BCAS3: variants seen among roughly 807,000 people sequenced by gnomAD.
BCAS3 encodes the protein BCAS4/BCAS3 fusion.
BCAS3 carries 53 observed loss-of-function variants against 116.1 expected under a neutral mutation model. The observed-to-expected ratio is 0.46, with a 90% confidence interval of 0.37 to 0.57. The LOEUF (loss-of-function observed/expected upper bound fraction) is 0.57, where lower values mean the gene tolerates loss of function less well. BCAS3 is among the 20% of genes least tolerant of loss of function. The probability of loss-of-function intolerance (pLI) is 0.00; values close to 1 mark genes in which losing one functional copy is unlikely to be tolerated. For missense variants in BCAS3, 917 were observed against 1,165.4 expected, an observed-to-expected ratio of 0.79 and a Z score of 3.10; for synonymous variants, 391 against 408.2, an observed-to-expected ratio of 0.96 and a Z score of 0.51.
chr17:60,808,193 A>T, intron 7 of BCAS3, 117 bp downstream of exon 7: 1 of 682,106 alleles, frequency 1.5e-6, no homozygotes, highest in Non-Finnish European at 2.4e-6. Flanking sequence ...CATAAGAGAG[A>T]AGAAGAAGAA....
intron 6 of BCAS3, among the ~76,000 whole-genome samples, chr17:60,787,907 T>C (rs903018326): frequency 6.6e-6 from 1 of 150,654 alleles, no homozygotes; most frequent in Non-Finnish European, 1.5e-5. Context: ...GTCAAGGACA[T>C]GAATAGTACC....
intron 22 of BCAS3, among the ~76,000 whole-genome samples, chr17:61,250,757 C>G (rs76533513): frequency 6.6e-6 from 1 of 152,200 alleles, no homozygotes; most frequent in Non-Finnish European, 1.5e-5. Context: ...TACTTGTAGA[C>G]TGAGACCTTG....
rs1287886050 is a variant in BCAS3 at position 61,352,823 on chromosome 17, T to C, written c.2426-15504T>C. 1.3e-5 allele frequency among the ~76,000 whole-genome samples: 2 copies of C among 152,232 alleles called. No individual in the cohort carries two copies. Among genetic ancestry groups the C allele is most frequent in the East Asian group, 1.9e-4 (1 of 5,194 alleles). On this transcript the variant is annotated intron_variant, in intron 22 of 23. Transcript: ENST00000407086. The surrounding 1 kb of genome is among the most constrained non-coding windows in gnomAD (Gnocchi z 4.7). ...GGGCAGAGATGGACCCAAGTCTTGC[T>C]TGCCCTCTGCAGCTGTGCAGAGAAG...
chr17:60,914,465 A>C (rs770483532), intron 12 of BCAS3, among the ~76,000 whole-genome samples: 12 of 152,218 alleles, frequency 7.9e-5, no homozygotes, highest in South Asian at 2.1e-4. Context: ...GGAAACATAC[A>C]GGGTGTAGGG....
At chr17:61,350,517 C>T (rs557944483) in intron 22 of BCAS3, among the ~76,000 whole-genome samples, 3 of 151,946 alleles carry the variant, frequency 2.0e-5, no homozygotes, top group Non-Finnish European at 2.9e-5. Flanking sequence ...CATAAAGATA[C>T]CTGTGTGTCC....
At chr17:61,289,471 CAAGT>C (rs1042323813) in intron 22 of BCAS3, among the ~76,000 whole-genome samples, 23 of 152,274 alleles carry the variant, frequency 1.5e-4, no homozygotes, top group African/African-American at 5.3e-4. Context: ...GGTATGCTGT[CAAGT>C]AACAGCTAAA....
chr17:60,685,683 T>C (rs2033922662), intron 3 of BCAS3, among the ~76,000 whole-genome samples: 1 of 152,138 alleles, frequency 6.6e-6, no homozygotes, highest in African/African-American at 2.4e-5. Context: ...TAGTCTTTCC[T>C]GGAGGGAGCT....
intron 6 of BCAS3, among the ~76,000 whole-genome samples, chr17:60,775,604 A>T (rs1455176225): frequency 6.6e-6 from 1 of 151,886 alleles, no homozygotes; most frequent in Non-Finnish European, 1.5e-5. Context: ...CATTTGTAGA[A>T]CATGGAAATA....
intron 14 of BCAS3, among the ~76,000 whole-genome samples, chr17:60,949,466 T>A (rs1167516108): frequency 6.6e-6 from 1 of 151,914 alleles, no homozygotes; most frequent in Non-Finnish European, 1.5e-5. Flanking sequence ...TGACACTATG[T>A]TGTCTCACTG....
chr17:61,093,847 C>T (rs527572101), intron 22 of BCAS3, among the ~76,000 whole-genome samples: 2 of 152,178 alleles, frequency 1.3e-5, no homozygotes, highest in Non-Finnish European at 2.9e-5. Flanking sequence ...AAGGCCTCCA[C>T]CTTTGTTTTT....
At chr17:61,129,445 C>A (rs149800912) in intron 22 of BCAS3, among the ~76,000 whole-genome samples, 1,596 of 152,318 alleles carry the variant, frequency 0.01, 10 homozygotes, top group Middle Eastern at 0.017. Flanking sequence ...CTGCACTGAG[C>A]AAAGGTTGTA....
In BCAS3 at chr17:61,229,876, G is replaced by C. The variant is rs975404816; in HGVS notation, c.2426-138451G>C. On this transcript the variant is annotated intron_variant, in intron 22 of 23. Coordinates refer to ENST00000407086, the MANE Select transcript of BCAS3 (RefSeq NM_017679.5). This position sits in a 1 kb window ranked among gnomAD's most constrained non-coding sequence, Gnocchi z 4.4. Reference sequence around the variant, plus strand: ...GCGATGGCTTACGCCTGTAATCCCAGCACTTTGGGAGGCCAAGGCGGGCGG... The same window carrying C: ...GCGATGGCTTACGCCTGTAATCCCACCACTTTGGGAGGCCAAGGCGGGCGG... Among the ~76,000 whole-genome samples the C allele has an allele frequency of 2.6e-5, 4 of 152,246 alleles. No individual in the cohort carries two copies. Among genetic ancestry groups the C allele is most frequent in the African/African-American group, 9.6e-5 (4 of 41,468 alleles).
chr17:60,898,895 A>G (rs2057691037), intron 10 of BCAS3, among the ~76,000 whole-genome samples: 1 of 152,084 alleles, frequency 6.6e-6, no homozygotes, highest in African/African-American at 2.4e-5. Flanking sequence ...TGGAGCTTGC[A>G]GGTAGGTGCC....
chr17:61,292,608 C>T (rs553282906), intron 22 of BCAS3, among the ~76,000 whole-genome samples: 132 of 152,150 alleles, frequency 8.7e-4, no homozygotes, highest in Non-Finnish European at 1.4e-3. Flanking sequence ...GCCGAGATCA[C>T]GCCATGCACT....
In BCAS3 at chr17:61,124,248, C is replaced by T. The variant is rs1329926033; in HGVS notation, c.2425+39684C>T. On this transcript the variant is annotated intron_variant, in intron 22 of 23. Transcript: ENST00000407086. This position sits in a 1 kb window ranked among gnomAD's most constrained non-coding sequence, Gnocchi z 4.6. ...ACAGGACAATAAAACCTGGGATTCT[C>T]CTCCACAAAATGAAACATGAAGTGA... 6.6e-6 allele frequency among the ~76,000 whole-genome samples: 1 copy of T among 152,002 alleles called. No homozygotes were observed. The highest frequency in any genetic ancestry group is 1.5e-5 in the Non-Finnish European group (1 of 68,006).
chr17:60,868,752 C>A, intron 8 of BCAS3, 69 bp downstream of exon 8: 1 of 910,182 alleles, frequency 1.1e-6, no homozygotes, highest in Non-Finnish European at 1.6e-6. Flanking sequence ...GAGAACTCTA[C>A]CAGTTTCAAT....
intron 5 of BCAS3, among the ~76,000 whole-genome samples, chr17:60,733,997 G>A (rs2040719494): frequency 6.6e-6 from 1 of 152,142 alleles, no homozygotes; most frequent in African/African-American, 2.4e-5. Context: ...GAGTGTAGAA[G>A]TTTTAAATTT....
At chr17:60,916,621 G>T (rs552981014) in intron 12 of BCAS3, among the ~76,000 whole-genome samples, 1 of 152,252 alleles carries the variant, frequency 6.6e-6, no homozygotes, top group Non-Finnish European at 1.5e-5. Flanking sequence ...GTTAGAAATT[G>T]TAACATCATC....
chr17:60,719,519 A>G (rs2039014254), intron 5 of BCAS3, among the ~76,000 whole-genome samples: 1 of 152,256 alleles, frequency 6.6e-6, no homozygotes, highest in African/African-American at 2.4e-5. Flanking sequence ...TATTTCACAC[A>G]AATAACATTT....
Sources: allele counts gnomAD v4.1 joint callset (sites outside exome capture counted in the v4.1 genomes callset), GRCh38; gene constraint gnomAD v4.1.1; non-coding constraint Gnocchi (gnomAD v3.1); transcripts MANE v1.5; gene names NCBI Gene and HGNC (gene_info 2026-07-23, HGNC 2026-07-21).